The following KCNQ3 variants were observed in gnomAD, a reference collection of about 807,000 sequenced individuals.
KCNQ3 encodes potassium voltage-gated channel subfamily KQT member 3.
A neutral mutation model predicts 92.5 loss-of-function variants in KCNQ3; 30 were observed. The observed-to-expected ratio is 0.32, with a 90% CI of 0.24 to 0.44. KCNQ3 has a LOEUF of 0.44. Among genes scored for constraint, KCNQ3 ranks in the 20% least tolerant of loss-of-function variants. The pLI is 1.00. For synonymous variants in KCNQ3, 450 were observed against 468.8 expected (o/e 0.96, Z 0.52); for missense variants, 913 against 1,140.3 (o/e 0.80, Z 2.87).
At chr8:132,447,734 C>T (rs945177184) in intron 1 of KCNQ3, among the ~76,000 whole-genome samples, 1 of 152,172 alleles carries the variant, frequency 6.6e-6, no homozygotes, top group Non-Finnish European at 1.5e-5. Flanking sequence ...AACGAGACTG[C>T]CTCTGGGGAA....
chr8:132,273,506 G>A (rs577497592), intron 1 of KCNQ3, among the ~76,000 whole-genome samples: 6 of 152,328 alleles, frequency 3.9e-5, no homozygotes, highest in East Asian at 1.9e-4. Context: ...AGGGGCTGCC[G>A]TGAAGACCTC....
chr8:132,139,290 G>C (rs1472879264), intron 11 of KCNQ3, among the ~76,000 whole-genome samples: 2 of 152,206 alleles, frequency 1.3e-5, no homozygotes, highest in Non-Finnish European at 2.9e-5. Context: ...CTGAATAAAG[G>C]CTTTCAGCCA....
chr8:132,135,746 T>G (rs915950759), intron 12 of KCNQ3, among the ~76,000 whole-genome samples: 6 of 152,104 alleles, frequency 3.9e-5, no homozygotes, highest in African/African-American at 1.4e-4. Flanking sequence ...CAAAATTTGT[T>G]CACACATCTA....
chr8:132,377,852 A>G (rs557964197), intron 1 of KCNQ3, among the ~76,000 whole-genome samples: 1 of 152,318 alleles, frequency 6.6e-6, no homozygotes, highest in South Asian at 2.1e-4. Context: ...CAATAATTAA[A>G]TGAATTCACT....
intron 1 of KCNQ3, among the ~76,000 whole-genome samples, chr8:132,202,629 A>G (rs1276592357): frequency 2.0e-5 from 3 of 152,142 alleles, no homozygotes; most frequent in Non-Finnish European, 4.4e-5. Flanking sequence ...GCATGGACAC[A>G]GTTTAGCCAA....
chr8:132,428,767 T>C (rs1267813652), intron 1 of KCNQ3, among the ~76,000 whole-genome samples: 1 of 152,202 alleles, frequency 6.6e-6, no homozygotes, highest in African/African-American at 2.4e-5. Flanking sequence ...ACCTTTCCAG[T>C]TGGCACAAAA....
Position 132,123,572 on chromosome 8 carries a change from T to C in KCNQ3, c.*5690A>G. On this transcript the variant is annotated 3_prime_UTR_variant, in exon 15 of 15. Transcript: ENST00000388996. ...TGGGCTCAATCGTGATGCTTTGATTTCACTTGGTATTTTACTTTTAGTTTT... is the reference window on the plus strand; with the variant it reads ...TGGGCTCAATCGTGATGCTTTGATTCCACTTGGTATTTTACTTTTAGTTTT... The C allele has an allele frequency of 6.6e-6, 1 of 152,230 alleles. No individual in the cohort carries two copies. The highest frequency in any genetic ancestry group is 1.9e-4 in the East Asian group (1 of 5,192). 9.4% of individuals were successfully genotyped at this position (152,230 alleles called of 1,614,324 possible).
chr8:132,303,165 C>G (rs1039639669), intron 1 of KCNQ3, among the ~76,000 whole-genome samples: 5 of 152,196 alleles, frequency 3.3e-5, no homozygotes, highest in African/African-American at 1.2e-4. Flanking sequence ...CCTATAAAGG[C>G]AATGAAGGAG....
intron 1 of KCNQ3, among the ~76,000 whole-genome samples, chr8:132,283,426 G>A (rs1051737252): frequency 2.0e-5 from 3 of 152,156 alleles, no homozygotes; most frequent in Admixed American, 1.3e-4. Context: ...TCTCTCAACA[G>A]GAAACACACT....
rs1362445019 is a variant in KCNQ3 at position 132,187,855 on chromosome 8, ATGG to A, written c.387-1677_387-1675del. On this transcript the variant is annotated intron_variant, in intron 1 of 14. Coordinates refer to ENST00000388996, the MANE Select transcript of KCNQ3 (RefSeq NM_004519.4). ...GATTGTGGTGGTGGTGGTGGTAGTG[ATGG>A]TGGTGGTGGTGGTGATAGTGATGGT... Among the ~76,000 whole-genome samples, 30 of 69,822 alleles carry A rather than the reference ATGG, an allele frequency of 4.3e-4. 3 individuals are homozygous for A. Among genetic ancestry groups the A allele is most frequent in the African/African-American group, 1.5e-3 (22 of 15,092 alleles). 45.8% of individuals were successfully genotyped at this position (69,822 alleles called of 152,430 possible).
At chr8:132,352,843 G>A (rs191260401) in intron 1 of KCNQ3, among the ~76,000 whole-genome samples, 1 of 152,276 alleles carries the variant, frequency 6.6e-6, no homozygotes, top group Admixed American at 6.5e-5. Flanking sequence ...ACAGTGTGGG[G>A]AAAAGAGGTT....
chr8:132,352,412 A>C (rs1308827564), intron 1 of KCNQ3, among the ~76,000 whole-genome samples: 2 of 152,110 alleles, frequency 1.3e-5, no homozygotes, highest in African/African-American at 4.8e-5. Context: ...AGACTCCTAC[A>C]ACAAAGACTC....
rs144255005 is a variant in KCNQ3, at chr8:132,406,434, A to C, written c.386+73713T>G. ...AGGGAGAAAAGTGCTGATCAGTTTC[A>C]TATGGACATGAAGATTTGGTTCTGC... On this transcript the variant is annotated intron_variant, in intron 1 of 14. Coordinates refer to ENST00000388996, the MANE Select transcript of KCNQ3 (RefSeq NM_004519.4). Among the ~76,000 whole-genome samples, 81 of 152,250 alleles carry C rather than the reference A, an allele frequency of 5.3e-4. 1 individual carries two copies. Among genetic ancestry groups the C allele is most frequent in the African/African-American group, 1.8e-3 (75 of 41,546 alleles).
chr8:132,169,745 G>C (rs1056073173), intron 8 of KCNQ3, among the ~76,000 whole-genome samples: 2 of 152,246 alleles, frequency 1.3e-5, no homozygotes, highest in African/African-American at 4.8e-5. Context: ...AGCCCTGGCT[G>C]CACAGAGGAA....
chr8:132,401,242 G>T (rs1372655836), intron 1 of KCNQ3, among the ~76,000 whole-genome samples: 1 of 152,122 alleles, frequency 6.6e-6, no homozygotes, highest in Non-Finnish European at 1.5e-5. Context: ...CAAAGAGAAG[G>T]CTTGATTTCA....
chr8:132,239,176 GA>G lies in KCNQ3; in HGVS notation c.387-52996del, dbSNP rs931660005. ...AACTCTGAAATGAAGCTAGGCTTTGGAAATGCTGGAGGAACCAAAGCTGCAA... is the reference window on the plus strand; with the variant it reads ...AACTCTGAAATGAAGCTAGGCTTTGGAATGCTGGAGGAACCAAAGCTGCAA... On this transcript the variant is annotated intron_variant, in intron 1 of 14. Coordinates refer to ENST00000388996, the MANE Select transcript of KCNQ3 (RefSeq NM_004519.4). Among the ~76,000 whole-genome samples, 41 of 152,164 alleles carry G rather than the reference GA, an allele frequency of 2.7e-4. 1 individual carries two copies. Among genetic ancestry groups the G allele is most frequent in the Admixed American group, 2.6e-4 (4 of 15,280 alleles).
At position 132,293,575 on chromosome 8, in the gene KCNQ3, T is replaced by C. The variant is rs28706399; in HGVS notation, c.387-107394A>G. On this transcript the variant is annotated intron_variant, in intron 1 of 14. Transcript: ENST00000388996. The stretch of plus-strand genomic sequence containing the variant: ...AATGATGATTGAAAGCTGACTCTTG[T>C]TCTTTAATCCAGTTTCACGTGAGAA... Among the ~76,000 whole-genome samples the C allele has an allele frequency of 8.7e-3, 1,330 of 152,316 alleles. 25 individuals carry two copies. The highest frequency in any genetic ancestry group is 0.029 in the African/African-American group (1,215 of 41,564).
chr8:132,270,891 A>G (rs1427932936), intron 1 of KCNQ3, among the ~76,000 whole-genome samples: 14 of 152,204 alleles, frequency 9.2e-5, no homozygotes, highest in Admixed American at 9.2e-4. Flanking sequence ...AGGGATGTTT[A>G]CTTTAACAAG....
chr8:132,339,548 T>C (rs920349517), intron 1 of KCNQ3, among the ~76,000 whole-genome samples: 1 of 152,166 alleles, frequency 6.6e-6, no homozygotes, highest in African/African-American at 2.4e-5. Flanking sequence ...TGAAACCCCA[T>C]TTCTACTAAA....
Sources: allele counts gnomAD v4.1 joint callset (sites outside exome capture counted in the v4.1 genomes callset), GRCh38; gene constraint gnomAD v4.1.1; transcripts MANE v1.5; gene names NCBI Gene and HGNC (gene_info 2026-07-23, HGNC 2026-07-21).